The following CENPU variants were observed in gnomAD, a reference collection of about 807,000 sequenced individuals.
The protein encoded by CENPU is centromere protein U.
In CENPU, 46 loss-of-function variants were observed where a neutral mutation model predicts 56.7. The ratio of observed to expected loss-of-function variants is 0.81; its 90% confidence interval spans 0.64 to 1.04. The LOEUF (loss-of-function observed/expected upper bound fraction) is 1.04, where lower values mean the gene tolerates loss of function less well. CENPU is among the 50% of genes least tolerant of loss of function. The pLI is 0.00. For missense variants in CENPU, 510 were observed against 490.1 expected (o/e 1.04, Z -0.38); for synonymous variants, 166 against 163.0 (o/e 1.02, Z -0.14).
rs546412699 is a variant in CENPU at position 184,731,921 on chromosome 4, T to C, written c.48-953A>G. Among the ~76,000 whole-genome samples, 4 of 53,160 alleles carry C rather than the reference T, an allele frequency of 7.5e-5. 1 individual carries two copies. In the South Asian group the frequency reaches 3.1e-3, roughly 41 times the overall value. 34.9% of individuals were successfully genotyped at this position (53,160 alleles called of 152,430 possible). A position where few individuals can be genotyped will look rare whatever the true frequency, so the allele number is the denominator to read the frequency against. On this transcript the variant is annotated intron_variant, in intron 1 of 12. Transcript: ENST00000281453. ...TGTGTGTGTGTGTGTCTGGAGATACTGTGCACTTCCACCCCTAAATACTAC... is the reference window on the plus strand; with the variant it reads ...TGTGTGTGTGTGTGTCTGGAGATACCGTGCACTTCCACCCCTAAATACTAC...
intron 11 of CENPU, 67 bp from the exon 12 acceptor site, chr4:184,697,870 G>A (rs1021999196): frequency 1.5e-6 from 2 of 1,299,612 alleles, no homozygotes; most frequent in Non-Finnish European, 2.1e-6. Context: ...GAGGTTGTAA[G>A]TACGCTGAGC....
At chr4:184,702,592 C>G in intron 8 of CENPU, 151 bp from the exon 9 acceptor site, 1 of 531,862 alleles carries the variant, frequency 1.9e-6, no homozygotes, top group South Asian at 2.4e-5. Context: ...TTAATAATCT[C>G]AATGTTTTAG....
intron 3 of CENPU, among the ~76,000 whole-genome samples, chr4:184,727,314 A>G (rs1307525289): frequency 6.6e-6 from 1 of 152,190 alleles, no homozygotes; most frequent in African/African-American, 2.4e-5. Context: ...TAGGTGGAGC[A>G]TTTCAGTTAG....
chr4:184,732,933 C>G (rs1240872020), intron 1 of CENPU, among the ~76,000 whole-genome samples: 2 of 143,742 alleles, frequency 1.4e-5, no homozygotes, highest in African/African-American at 5.3e-5. Context: ...ACCTGGGAGG[C>G]GGAGATTGCG....
At chr4:184,716,363 T>C in intron 6 of CENPU, 34 bp downstream of exon 6, 1 of 1,454,790 alleles carries the variant, frequency 6.9e-7, no homozygotes, top group Non-Finnish European at 9.4e-7. Flanking sequence ...AATAAACTTT[T>C]TTTGCCCTCC....
chr4:184,720,969 C>T (rs1039005873), intron 4 of CENPU, among the ~76,000 whole-genome samples: 24 of 151,904 alleles, frequency 1.6e-4, no homozygotes, highest in South Asian at 2.1e-4. Flanking sequence ...ATGAAGTACA[C>T]GGAAAAAGAT....
At chr4:184,710,358 T>C (rs1760881007) in intron 7 of CENPU, 178 bp from the exon 8 acceptor site, 1 of 416,118 alleles carries the variant, frequency 2.4e-6, no homozygotes, top group African/African-American at 2.0e-5. Context: ...CGCAAACCCC[T>C]ACATACACTT....
chr4:184,726,043 T>C (rs988530038), intron 3 of CENPU, among the ~76,000 whole-genome samples: 5 of 152,220 alleles, frequency 3.3e-5, no homozygotes, highest in Non-Finnish European at 5.9e-5. Flanking sequence ...AAGTTTAGCA[T>C]GACAGTGCAA....
intron 4 of CENPU, among the ~76,000 whole-genome samples, chr4:184,723,261 T>C (rs964241332): frequency 3.3e-5 from 5 of 152,158 alleles, no homozygotes; most frequent in African/African-American, 4.8e-5. Context: ...CTGCCTTTTG[T>C]AGACAAAAAA....
intron 3 of CENPU, 22 bp downstream of exon 3, chr4:184,728,896 G>A (rs115368123): frequency 0.011 from 17,263 of 1,538,936 alleles, 167 homozygotes; most frequent in Non-Finnish European, 0.013. Flanking sequence ...GTTATGTTAG[G>A]ATAAAGATTT....
chr4:184,726,638 G>C lies in CENPU; in HGVS notation c.215-1576C>G, dbSNP rs987869621. 1.8e-4 allele frequency among the ~76,000 whole-genome samples: 28 copies of C among 152,152 alleles called. 1 individual carries two copies. Among genetic ancestry groups the C allele is most frequent in the Admixed American group, 1.8e-3 (27 of 15,272 alleles). On this transcript the variant is annotated intron_variant, in intron 3 of 12. Coordinates refer to ENST00000281453, the MANE Select transcript of CENPU (RefSeq NM_024629.4). The stretch of plus-strand genomic sequence containing the variant: ...TCCATTTCTGGGTAAATGTCCAAAA[G>C]AGGAGAAAGCAGGGACTCAAACAGA...
At chr4:184,727,527 G>C (rs1382239972) in intron 3 of CENPU, among the ~76,000 whole-genome samples, 1 of 152,194 alleles carries the variant, frequency 6.6e-6, no homozygotes, top group Non-Finnish European at 1.5e-5. Context: ...TTTGGTGAAG[G>C]TGTGCAGAAA....
intron 3 of CENPU, among the ~76,000 whole-genome samples, chr4:184,728,573 C>A (rs1761533323): frequency 6.6e-6 from 1 of 152,164 alleles, no homozygotes; most frequent in African/African-American, 2.4e-5. Flanking sequence ...AGGAAAATTA[C>A]CCATACTCTT....
intron 9 of CENPU, 43 bp downstream of exon 9, chr4:184,702,320 T>C (rs2150203520): frequency 1.3e-6 from 2 of 1,568,234 alleles, no homozygotes; most frequent in East Asian, 4.5e-5. Context: ...ACAGGATTAG[T>C]GAAAAAAACC....
rs763702667 is a variant in CENPU at position 184,734,035 on chromosome 4, G to C, written c.28C>G (p.Arg10Gly). The C allele has an allele frequency of 1.9e-6, 3 of 1,584,220 alleles. No homozygotes were observed. Among genetic ancestry groups the C allele is most frequent in the Admixed American group, 1.8e-5 (1 of 54,768 alleles). ...ACTTACCCCTCAGACCTGTGAGGCC[G>C]CGGCCGCCGCCGCCCCCGCGGGGCC... Reference protein sequence around the residue: MAPRGRRRPRPHRSEGARRS... With the variant: MAPRGRRRPGPHRSEGARRS... Residue 10 changes from arginine to glycine, a missense_variant, in exon 1 of 13, where the codon CGG becomes GGG. Arg to Gly is a moderately radical substitution (Grantham distance 125). Transcript: ENST00000281453.
At chr4:184,726,967 T>A (rs1453901148) in intron 3 of CENPU, among the ~76,000 whole-genome samples, 250 of 1,026 alleles carry the variant, frequency 0.24, 4 homozygotes, top group Non-Finnish European at 0.34. Context: ...GTGGTGGTCC[T>A]GGGGGGTGGG....
intron 7 of CENPU, among the ~76,000 whole-genome samples, chr4:184,712,631 AAAAACTGGATT>A (rs1228202315): frequency 3.3e-5 from 5 of 152,238 alleles, no homozygotes. Context: ...AAAATGCCTT[AAAAACTGGATT>A]AATGGATTAA....
intron 12 of CENPU, among the ~76,000 whole-genome samples, chr4:184,696,844 ACT>A (rs1464813175): frequency 6.6e-6 from 1 of 151,246 alleles, no homozygotes. Flanking sequence ...AAAACAATAA[ACT>A]TGTTTTCCCA....
intron 1 of CENPU, among the ~76,000 whole-genome samples, chr4:184,731,938 A>G (rs1419120155): frequency 7.4e-6 from 1 of 135,978 alleles, no homozygotes; most frequent in African/African-American, 2.7e-5. Context: ...TTCCACCCCT[A>G]AATACTACAA....
Sources: allele counts gnomAD v4.1 joint callset (sites outside exome capture counted in the v4.1 genomes callset), GRCh38; gene constraint gnomAD v4.1.1; transcripts MANE v1.5; gene names NCBI Gene and HGNC (gene_info 2026-07-23, HGNC 2026-07-21).